EFHC2: variants seen among roughly 807,000 people sequenced by gnomAD.
EFHC2 encodes EF-hand domain-containing family member C2.
Under a neutral mutation model 52.7 loss-of-function variants are expected in EFHC2, and 18 were observed. That is an observed-to-expected ratio of 0.34 (90% CI 0.24 to 0.51). The LOEUF is 0.51. Ranked by LOEUF, EFHC2 falls within the 20% of genes least tolerant of loss-of-function variation. The pLI is 0.97. For missense variants in EFHC2, 513 were observed against 562.5 expected (o/e 0.91, Z 0.89); for synonymous variants, 203 against 204.1 (o/e 0.99, Z 0.04).
chrX:44,338,431 G>T (rs751405681), intron 1 of EFHC2, among the ~76,000 whole-genome samples: 1 of 110,314 alleles, frequency 9.1e-6, no homozygotes, highest in East Asian at 2.9e-4. Flanking sequence ...AGCCCGAGAG[G>T]TTGAGGCTGC....
intron 11 of EFHC2, among the ~76,000 whole-genome samples, chrX:44,212,334 C>T (rs887962918): frequency 1.1e-4 from 12 of 112,072 alleles, no homozygotes. Flanking sequence ...TCCACGATCT[C>T]CATCAGGTTC....
intron 3 of EFHC2, among the ~76,000 whole-genome samples, chrX:44,265,866 T>C (rs1225077129): frequency 8.9e-6 from 1 of 111,921 alleles, no homozygotes; most frequent in Non-Finnish European, 1.9e-5. Context: ...TTCACAAGAA[T>C]AATTATTTTT....
intron 11 of EFHC2, among the ~76,000 whole-genome samples, chrX:44,228,380 G>T (rs1167193361): frequency 9.0e-6 from 1 of 111,691 alleles, no homozygotes; most frequent in Non-Finnish European, 1.9e-5. Context: ...TTTGTAAAAG[G>T]ACACAAATAA....
intron 8 of EFHC2, 74 bp downstream of exon 8, chrX:44,242,047 G>A (rs919322061): frequency 1.4e-5 from 14 of 1,006,263 alleles, no homozygotes; most frequent in Admixed American, 8.1e-5. Context: ...CATCTGTTTC[G>A]TCATGAGAAC....
rs985528012 is a variant in EFHC2 at position 44,209,077 on chromosome X, G to C, written c.1751+20572C>G. Among the ~76,000 whole-genome samples the C allele has an allele frequency of 2.9e-4, 17 of 59,137 alleles. No individual in the cohort carries two copies. In the South Asian group the frequency reaches 0.012, roughly 42 times the overall value. The allele number at this position is 59,137 out of a possible 115,157, so 51.4% of individuals were successfully genotyped here. ...TGTGTGTGTGTGTGTGTGTGTGTGT[G>C]TGTGTGTGTTAACCTAGACACAAAA... On this transcript the variant is annotated intron_variant, in intron 11 of 14. Transcript: ENST00000420999.
At chrX:44,189,490 G>A (rs924519503) in intron 11 of EFHC2, among the ~76,000 whole-genome samples, 25 of 112,434 alleles carry the variant, frequency 2.2e-4, no homozygotes, top group African/African-American at 8.1e-4. Flanking sequence ...GCCCACTCAT[G>A]AGAGATGCAT....
At chrX:44,335,288 G>A (rs2038110499) in intron 1 of EFHC2, among the ~76,000 whole-genome samples, 1 of 110,899 alleles carries the variant, frequency 9.0e-6, no homozygotes, top group Non-Finnish European at 1.9e-5. Context: ...ATTATGGAGA[G>A]AGGGAGAGAA....
intron 10 of EFHC2, 130 bp from the exon 11 acceptor site, chrX:44,229,909 A>C (rs965943529): frequency 4.6e-6 from 3 of 645,239 alleles, no homozygotes; most frequent in Admixed American, 3.3e-5. Flanking sequence ...CTTTGCAAAG[A>C]AACCAACACC....
At chrX:44,166,829 T>C (rs912464645) in intron 13 of EFHC2, among the ~76,000 whole-genome samples, 4 of 111,522 alleles carry the variant, frequency 3.6e-5, no homozygotes, top group Non-Finnish European at 7.5e-5. Context: ...TCTACCACTG[T>C]AGCATATAAC....
At chrX:44,312,477 T>C (rs1569306421) in intron 2 of EFHC2, 91 bp downstream of exon 2, 1 of 701,656 alleles carries the variant, frequency 1.4e-6, no homozygotes, top group Non-Finnish European at 2.0e-6. Context: ...GCCTTAACAT[T>C]TACACTGAAG....
At chrX:44,260,192 T>C (rs892756800) in intron 4 of EFHC2, among the ~76,000 whole-genome samples, 5 of 111,217 alleles carry the variant, frequency 4.5e-5, no homozygotes, top group African/African-American at 1.6e-4. Context: ...CATCTCAATA[T>C]GGGGGTAGGT....
At chrX:44,215,828 G>A (rs982490399) in intron 11 of EFHC2, among the ~76,000 whole-genome samples, 4 of 111,528 alleles carry the variant, frequency 3.6e-5, no homozygotes, top group Non-Finnish European at 7.5e-5. Context: ...TCTTGCAGAT[G>A]GAAGACACAA....
At chrX:44,202,399 A>T (rs1357959078) in intron 11 of EFHC2, among the ~76,000 whole-genome samples, 1 of 111,933 alleles carries the variant, frequency 8.9e-6, no homozygotes, top group Non-Finnish European at 1.9e-5. Context: ...GCGACAGAGC[A>T]AGATTCCATC....
At chrX:44,309,236 C>A (rs2037927384) in intron 2 of EFHC2, 1 of 460,071 alleles carries the variant, frequency 2.2e-6, no homozygotes, top group Non-Finnish European at 3.9e-6. Flanking sequence ...CATGGTGTGG[C>A]TAGTTGATAA....
intron 2 of EFHC2, among the ~76,000 whole-genome samples, chrX:44,287,296 T>A (rs2037759256): frequency 9.0e-6 from 1 of 111,338 alleles, no homozygotes; most frequent in African/African-American, 3.3e-5. Flanking sequence ...ATCAAAAAAA[T>A]TTTTTTTAAT....
At chrX:44,286,116 G>C in intron 2 of EFHC2, 1 of 116,989 alleles carries the variant, frequency 8.5e-6, no homozygotes, top group Non-Finnish European at 1.8e-5. Flanking sequence ...GTTCCCAAAA[G>C]CTATTGCCAG....
chrX:44,234,475 C>T (rs1221133968), intron 9 of EFHC2, among the ~76,000 whole-genome samples: 1 of 112,288 alleles, frequency 8.9e-6, no homozygotes, highest in Admixed American at 9.4e-5. Flanking sequence ...CTCATACCAG[C>T]TCATAGGAGC....
At chrX:44,188,264 T>C (rs2036893187) in intron 11 of EFHC2, among the ~76,000 whole-genome samples, 2 of 111,280 alleles carry the variant, frequency 1.8e-5, no homozygotes, top group Admixed American at 9.6e-5. Flanking sequence ...ATTATAGGCA[T>C]GAACCACCAC....
chrX:44,297,708 G>A (rs1188336433), intron 2 of EFHC2, among the ~76,000 whole-genome samples: 3 of 94,100 alleles, frequency 3.2e-5, no homozygotes, highest in East Asian at 6.4e-4. Context: ...CAGCCTGGGC[G>A]ACAGAGCGAG....
Sources: allele counts gnomAD v4.1 joint callset (sites outside exome capture counted in the v4.1 genomes callset), GRCh38; gene constraint gnomAD v4.1.1; transcripts MANE v1.5; gene names NCBI Gene and HGNC (gene_info 2026-07-23, HGNC 2026-07-21).